Variants in TFE3 observed in about 807,000 individuals in gnomAD.
The protein encoded by TFE3 is transcription factor E3.
A neutral mutation model predicts 35.0 loss-of-function variants in TFE3; 5 were observed. The ratio of observed to expected loss-of-function variants is 0.14; its 90% confidence interval spans 0.07 to 0.30. The LOEUF (loss-of-function observed/expected upper bound fraction) is 0.30, where lower values mean the gene tolerates loss of function less well. Ranked by LOEUF, TFE3 falls within the 10% of genes least tolerant of loss-of-function variation. TFE3 has a pLI of 1.00. For missense variants in TFE3, 374 were observed against 496.6 expected (o/e 0.75, Z 2.35); for synonymous variants, 211 against 215.6 (o/e 0.98, Z 0.18).
chrX:49,030,661 G>C (rs1417920811), intron 9 of TFE3, 60 bp from the exon 10 acceptor site: 28 of 998,598 alleles, frequency 2.8e-5, no homozygotes, highest in Non-Finnish European at 3.8e-5. Context: ...CAGAGGCAGA[G>C]GAGTATAAAG....
chrX:49,029,824 A>G lies in TFE3; in HGVS notation c.*334T>C. On this transcript the variant is annotated 3_prime_UTR_variant, in exon 10 of 10. Coordinates refer to ENST00000315869, the MANE Select transcript of TFE3 (RefSeq NM_006521.6). ...CCCTAGGGGACAGGGTCGAGACCTC[A>G]TCCTGTCTCCTTCCCTCACCTGGGC... 2.1e-6 allele frequency: 1 copy of G among 481,743 alleles called. No individual in the cohort carries two copies. Among genetic ancestry groups the G allele is most frequent in the Middle Eastern group, 3.5e-4 (1 of 2,885 alleles). The allele number at this position is 481,743 out of a possible 1,213,427, so 39.7% of individuals were successfully genotyped here. A position where few individuals can be genotyped will look rare whatever the true frequency, so the allele number is the denominator to read the frequency against.
chrX:49,031,303 T>G (rs186007858), intron 9 of TFE3, 94 bp downstream of exon 9: 6 of 1,022,493 alleles, frequency 5.9e-6, no homozygotes, highest in Non-Finnish European at 7.7e-6. Context: ...CCCCCAAGTA[T>G]GCCAGGAAGG....
At chrX:49,037,303 A>G (rs965958921) in intron 5 of TFE3, among the ~76,000 whole-genome samples, 13 of 111,206 alleles carry the variant, frequency 1.2e-4, no homozygotes, top group Non-Finnish European at 2.3e-4. Flanking sequence ...TCTTAAAAGA[A>G]AAAAAAGGTA....
At chrX:49,037,566 G>T (rs2064737324) in intron 5 of TFE3, among the ~76,000 whole-genome samples, 1 of 110,074 alleles carries the variant, frequency 9.1e-6, no homozygotes, top group Non-Finnish European at 1.9e-5. Context: ...TGGTATGGTG[G>T]CACGTGCCTA....
Position 49,040,452 on chromosome X carries a change from T to G in TFE3, c.230+3A>C. 1.0e-5 allele frequency: 12 copies of G among 1,198,260 alleles called. No individual in the cohort carries two copies. The highest frequency in any genetic ancestry group is 1.1e-5 in the Non-Finnish European group (10 of 883,802). On this transcript the variant is annotated splice_donor_region_variant and intron_variant, in intron 2 of 9. Coordinates refer to ENST00000315869, the MANE Select transcript of TFE3 (RefSeq NM_006521.6). ...GGGAATCAGATAGACAAGTCATACATACCTTGAGCGAAGGGGTAAGGGTTG... is the reference window on the plus strand; with the variant it reads ...GGGAATCAGATAGACAAGTCATACAGACCTTGAGCGAAGGGGTAAGGGTTG...
intron 3 of TFE3, among the ~76,000 whole-genome samples, chrX:49,038,682 C>T (rs1190593074): frequency 9.0e-6 from 1 of 110,682 alleles, no homozygotes; most frequent in South Asian, 3.8e-4. Flanking sequence ...CAGGATCCCT[C>T]GTAGTTTCTG....
chrX:49,037,682 G>A, intron 5 of TFE3: 1 of 176,172 alleles, frequency 5.7e-6, no homozygotes, highest in Non-Finnish European at 1.0e-5. Context: ...CTGGGTGACA[G>A]AGCGAGACTC....
rs782651544 is a variant in TFE3 at position 49,038,306 on chromosome X, C to T, written c.671G>A (p.Ser224Asn). 2 of 1,204,799 alleles carry T rather than the reference C, an allele frequency of 1.7e-6. No individual in the cohort carries two copies. ...CTCAGGGGCAGGCAGTGGCTGGGCA[C>T]TTGCGGGCCCCGGCGGTGGGGTGAG... ...QALTPPPGPA[S>N]AQPLPAPEAA... The change falls in exon 4 of 10, where the codon AGT becomes AAT. Residue 224 changes from serine to asparagine, a missense_variant. By Grantham distance (46) the Ser-to-Asn change is conservative (BLOSUM62 1). Coordinates refer to ENST00000315869, the MANE Select transcript of TFE3 (RefSeq NM_006521.6).
chrX:49,031,475 C>A lies in TFE3; in HGVS notation c.1206G>T (p.Glu402Asp). Residue 402 changes from glutamate (E) to aspartate (D), a missense_variant, in exon 9 of 10, where the codon GAG becomes GAT. Around this residue, in one of 3 missense-constraint regions of TFE3, gnomAD observed 167 missense variants for 297.2 expected, o/e 0.56. Coordinates refer to ENST00000315869, the MANE Select transcript of TFE3 (RefSeq NM_006521.6). ...SVDYIRKLQK[E>D]QQRSKDLESR... The stretch of plus-strand genomic sequence containing the variant: ...TCTCCAGGTCTTTGGAGCGCTGCTG[C>A]TCCTTCTGCAGCTTGCGGATATAAT... The A allele has an allele frequency of 8.3e-7, 1 of 1,204,676 alleles. No individual in the cohort carries two copies. The highest frequency in any genetic ancestry group is 3.0e-5 in the East Asian group (1 of 33,482).
At chrX:49,035,412 TTTTTTTTTTTTG>T (rs1341871664) in intron 5 of TFE3, among the ~76,000 whole-genome samples, 1 of 8,070 alleles carries the variant, frequency 1.2e-4, no homozygotes, top group Non-Finnish European at 9.9e-4. Flanking sequence ...TTTTTTTTTT[TTTTTTTTTTTTG>T]GAGACGGAGT....
chrX:49,040,421 T>G, intron 2 of TFE3, 34 bp downstream of exon 2: 1 of 1,100,787 alleles, frequency 9.1e-7, no homozygotes, highest in Non-Finnish European at 1.3e-6. Flanking sequence ...GCTGAGGAAT[T>G]GGGAGGGGAA....
intron 2 of TFE3, 88 bp downstream of exon 2, chrX:49,040,367 G>A: frequency 3.0e-6 from 2 of 667,248 alleles, no homozygotes; most frequent in Non-Finnish European, 4.8e-6. Flanking sequence ...AGAATGGGTT[G>A]GGCTGGTACT....
At position 49,029,475 on chromosome X, in the gene TFE3, C is replaced by T. The variant is rs1263181800; in HGVS notation, c.*683G>A. ...TGATCTCCACAAGCACTAGCGGTGG[C>T]CTGGTCCTACTGATTCTTTCACACC... is the stretch of plus-strand genomic sequence containing the variant. On this transcript the variant is annotated 3_prime_UTR_variant, in exon 10 of 10. Transcript: ENST00000315869. The T allele has an allele frequency of 3.7e-6, 1 of 268,928 alleles. No individual in the cohort carries two copies. Among genetic ancestry groups the T allele is most frequent in the African/African-American group, 2.6e-5 (1 of 37,978 alleles). 22.2% of individuals were successfully genotyped at this position (268,928 alleles called of 1,213,427 possible).
Position 49,029,865 on chromosome X carries a change from A to G in TFE3, c.*293T>C, listed in dbSNP as rs782159878. On this transcript the variant is annotated 3_prime_UTR_variant, in exon 10 of 10. Coordinates refer to ENST00000315869, the MANE Select transcript of TFE3 (RefSeq NM_006521.6). ...TCACCTGGGCAAGGATGAGTCCCAC[A>G]GGGGCAGGGGTGAGGCTGTGATCCC... 2.0e-6 allele frequency: 1 copy of G among 499,077 alleles called. No individual in the cohort carries two copies. Among genetic ancestry groups the G allele is most frequent in the Non-Finnish European group, 3.7e-6 (1 of 269,224 alleles). The allele number at this position is 499,077 out of a possible 1,213,427, so 41.1% of individuals were successfully genotyped here.
At chrX:49,039,484 G>A (rs1195095751) in intron 2 of TFE3, 74 bp from the exon 3 acceptor site, 17 of 1,038,591 alleles carry the variant, frequency 1.6e-5, no homozygotes, top group East Asian at 3.4e-5. Context: ...GGGTCTTAGC[G>A]TGACGGAGCA....
chrX:49,030,903 G>A (rs927380709), intron 9 of TFE3, among the ~76,000 whole-genome samples: 19 of 110,879 alleles, frequency 1.7e-4, no homozygotes, highest in African/African-American at 6.2e-4. Flanking sequence ...TGACCAACAT[G>A]GAGAAACCCC....
At position 49,030,352 on chromosome X, in the gene TFE3, C is replaced by T. The variant is rs1557073488; in HGVS notation, c.1534G>A (p.Asp512Asn). ...CCCAGGTGGAAGGGGTCTCCCAGGTCCCCCAGGTGGTCGCTGGGAAAGTGC... is the reference window on the plus strand; with the variant it reads ...CCCAGGTGGAAGGGGTCTCCCAGGTTCCCCAGGTGGTCGCTGGGAAAGTGC... ...DLHFPSDHLG[D>N]LGDPFHLGLE... is the part of the protein sequence containing the mutation. The change falls in exon 10 of 10, where the codon GAC becomes AAC. Residue 512 changes from aspartate (D) to asparagine (N), a missense_variant. Asp to Asn is a conservative substitution (Grantham distance 23, BLOSUM62 1). This residue lies in a region of TFE3 where 117 missense variants were observed against 111.9 expected (regional missense o/e 1.05). Coordinates refer to ENST00000315869, the MANE Select transcript of TFE3 (RefSeq NM_006521.6). 8.3e-7 allele frequency: 1 copy of T among 1,209,071 alleles called. No individual in the cohort carries two copies. Among genetic ancestry groups the T allele is most frequent in the Admixed American group, 2.2e-5 (1 of 45,801 alleles).
At chrX:49,033,059 T>C (rs1437277965) in intron 8 of TFE3, among the ~76,000 whole-genome samples, 7 of 110,355 alleles carry the variant, frequency 6.3e-5, no homozygotes, top group African/African-American at 2.3e-4. Flanking sequence ...CGCCTTGGCC[T>C]CCCAAAGTGC....
At position 49,029,743 on chromosome X, in the gene TFE3, A is replaced by C. The variant is rs2064686934; in HGVS notation, c.*415T>G. The C allele has an allele frequency of 2.2e-6, 1 of 446,008 alleles. No homozygotes were observed. The highest frequency in any genetic ancestry group is 4.2e-6 in the Non-Finnish European group (1 of 237,856). 36.8% of individuals were successfully genotyped at this position (446,008 alleles called of 1,213,427 possible). The stretch of plus-strand genomic sequence containing the variant: ...GGACTAGACTGGTGGTTCCAAGACA[A>C]AGGATGGAGCAACATCCTGACATCT... On this transcript the variant is annotated 3_prime_UTR_variant, in exon 10 of 10. Transcript: ENST00000315869.
Sources: gnomAD v4.1 joint callset for allele counts (sites outside exome capture counted in the v4.1 genomes callset) on GRCh38, gnomAD v4.1.1 for gene constraint, gnomAD v4.1.1 regional missense constraint, MANE v1.5 for transcripts, NCBI Gene and HGNC (gene_info 2026-07-23, HGNC 2026-07-21) for gene names.